Variants in TUSC2 observed in about 807,000 individuals in gnomAD.
TUSC2 encodes the protein tumor suppressor 2, mitochondrial calcium regulator.
TUSC2 carries 7 observed loss-of-function variants against 11.5 expected under a neutral mutation model. The observed-to-expected ratio is 0.61, with a 90% CI of 0.35 to 1.14. The LOEUF (loss-of-function observed/expected upper bound fraction) is 1.14, where lower values mean the gene tolerates loss of function less well. Ranked by LOEUF, TUSC2 falls within the 50% of genes most tolerant of loss-of-function variation. The pLI is 0.03. For missense variants in TUSC2, 132 were observed against 155.0 expected (o/e 0.85, Z 0.79); for synonymous variants, 61 against 64.1 (o/e 0.95, Z 0.23).
At position 50,326,065 on chromosome 3, in the gene TUSC2, G is replaced by T. The variant is rs1171437298; in HGVS notation, c.*56C>A. ...CCTCAATGGAAGCCACACCTTGATT[G>T]AGCCTGGGAGTTTCTTGCCGGGGCA... On this transcript the variant is annotated 3_prime_UTR_variant, in exon 3 of 3. Coordinates refer to ENST00000232496, the MANE Select transcript of TUSC2 (RefSeq NM_007275.3). The T allele has an allele frequency of 5.2e-5, 81 of 1,548,962 alleles. No homozygotes were observed. In the African/African-American group the frequency reaches 1.1e-3, roughly 20 times the overall value.
At chr3:50,326,998 A>T in intron 1 of TUSC2, 1 of 356,598 alleles carries the variant, frequency 2.8e-6, no homozygotes, top group South Asian at 2.1e-5. Flanking sequence ...CAGTGCTACT[A>T]TGTCAGACCC....
intron 2 of TUSC2, 54 bp downstream of exon 2, chr3:50,326,303 G>A: frequency 6.2e-7 from 1 of 1,613,084 alleles, no homozygotes; most frequent in Non-Finnish European, 8.5e-7. Flanking sequence ...ATCCCATCTG[G>A]GTCCACCTCC....
Position 50,328,036 on chromosome 3 carries a change from CGCCGCCTCCG to C in TUSC2, c.54_63del (p.Gly19AlafsTer58), listed in dbSNP as rs1702813806. On this transcript the variant is annotated frameshift_variant, in exon 1 of 3. Transcript: ENST00000232496. LOFTEE classifies it high-confidence loss of function. ...TGCTCAGCTCCTGCTGCCTCTGAGC[CGCCGCCTCCG>C]GCCGCCGAGGCGAAGGGCCACAGGC... 6.7e-7 allele frequency: 1 copy of C among 1,500,580 alleles called. No individual in the cohort carries two copies. Among genetic ancestry groups the C allele is most frequent in the East Asian group, 2.8e-5 (1 of 36,244 alleles). The allele number at this position is 1,500,580 out of a possible 1,614,324, so 93.0% of individuals were successfully genotyped here. A position where few individuals can be genotyped will look rare whatever the true frequency, so the allele number is the denominator to read the frequency against.
At position 50,324,950 on chromosome 3, in the gene TUSC2, C is replaced by T. The variant is rs1702767077; in HGVS notation, c.*1171G>A. ...CATTTTATTGAAATTGAACAAATAA[C>T]ACAACAGTCTTCCTAAGCTAGGGGC... On this transcript the variant is annotated 3_prime_UTR_variant, in exon 3 of 3. Coordinates refer to ENST00000232496, the MANE Select transcript of TUSC2 (RefSeq NM_007275.3). The T allele has an allele frequency of 6.6e-6, 1 of 152,362 alleles. No homozygotes were observed. The highest frequency in any genetic ancestry group is 2.1e-4 in the South Asian group (1 of 4,830). 9.4% of individuals were successfully genotyped at this position (152,362 alleles called of 1,614,324 possible).
Position 50,326,131 on chromosome 3 carries a change from T to C in TUSC2, c.323A>G (p.Tyr108Cys). Residue 108 changes from tyrosine (Y) to cysteine (C), a missense_variant, in exon 3 of 3, where the codon TAT (tyrosine) becomes TGT (cysteine). By Grantham distance (194) the Tyr-to-Cys change is radical. This residue lies in a region of TUSC2 where 65 missense variants were observed against 94.0 expected (regional missense o/e 0.69). Transcript: ENST00000232496. ...TGCCACCTCCCAGGGTCACACCTCA[T>C]AGAGGATCACAGGGAAATCCACGTG... ...RIHVDFPVILYEV is the reference protein window; with the variant it reads ...RIHVDFPVILCEV 6.3e-7 allele frequency: 1 copy of C among 1,590,124 alleles called. No homozygotes were observed.
intron 1 of TUSC2, among the ~76,000 whole-genome samples, chr3:50,327,651 G>A (rs1490386286): frequency 6.6e-6 from 1 of 152,178 alleles, no homozygotes; most frequent in African/African-American, 2.4e-5. Flanking sequence ...AGGCTGAGCC[G>A]GAAGGGATGA....
rs1013356687 is a variant in TUSC2, at chr3:50,328,151, A to G, written c.-52T>C. 4.5e-6 allele frequency: 6 copies of G among 1,341,712 alleles called. No homozygotes were observed. Among genetic ancestry groups the G allele is most frequent in the South Asian group, 1.8e-5 (1 of 55,334 alleles). 83.1% of individuals were successfully genotyped at this position (1,341,712 alleles called of 1,614,324 possible). A position where few individuals can be genotyped will look rare whatever the true frequency, so the allele number is the denominator to read the frequency against. Reference sequence around the variant, plus strand: ...CCCGTGGCCGCTCTGCTCACACCGCAGTCCGCACTACCATAACCTGCCCCA... The same window carrying G: ...CCCGTGGCCGCTCTGCTCACACCGCGGTCCGCACTACCATAACCTGCCCCA... On this transcript the variant is annotated 5_prime_UTR_variant, in exon 1 of 3. Transcript: ENST00000232496.
chr3:50,326,166 G>A lies in TUSC2; in HGVS notation c.288C>T (p.His96=), dbSNP rs373185737. The change falls in exon 3 of 3, where the codon CAC becomes CAT. Residue 96 remains histidine (H), a synonymous_variant. Coordinates refer to ENST00000232496, the MANE Select transcript of TUSC2 (RefSeq NM_007275.3). ...LIPQGIVKLD[H]PRIHVDFPVI... ...CAGGGAAATCCACGTGGATGCGGGG[G>A]TGATCCAGCTTCACGATGCCCTGCC... 1.2e-6 allele frequency: 2 copies of A among 1,600,384 alleles called. No individual in the cohort carries two copies. Among genetic ancestry groups the A allele is most frequent in the Non-Finnish European group, 1.7e-6 (2 of 1,173,692 alleles).
chr3:50,326,860 C>G (rs1702795537), intron 1 of TUSC2, among the ~76,000 whole-genome samples: 1 of 152,080 alleles, frequency 6.6e-6, no homozygotes, highest in Non-Finnish European at 1.5e-5. Context: ...TCAGGCAATC[C>G]ACTCGTCTTC....
intron 1 of TUSC2, 50 bp from the exon 2 acceptor site, chr3:50,326,527 C>T (rs1702791277): frequency 6.2e-7 from 1 of 1,603,918 alleles, no homozygotes; most frequent in Non-Finnish European, 8.5e-7. Context: ...CACACCTGGG[C>T]ATGGCAAATG....
At position 50,327,801 on chromosome 3, in the gene TUSC2, C is replaced by T. The variant is rs142171159; in HGVS notation, c.146+153G>A. On this transcript the variant is annotated intron_variant, in intron 1 of 2. Transcript: ENST00000232496. ...GCCAGGCCGCCAGGAGACCACTGCC[C>T]GGCTTTCTCCACCCCCAGCTCCAAT... is the stretch of plus-strand genomic sequence containing the variant. Among the ~76,000 whole-genome samples the T allele has an allele frequency of 7.7e-3, 1,171 of 152,332 alleles. 8 individuals carry two copies. Among genetic ancestry groups the T allele is most frequent in the Non-Finnish European group, 0.012 (834 of 68,020 alleles).
rs1440669450 is a variant in TUSC2, at chr3:50,326,037, GCTC to G, written c.*81_*83del. ...ATTCAGGGTTGTGGCCCCAGCCTGG[GCTC>G]CTCAATGGAAGCCACACCTTGATTG... On this transcript the variant is annotated 3_prime_UTR_variant, in exon 3 of 3. Transcript: ENST00000232496. 2.7e-6 allele frequency: 4 copies of G among 1,504,750 alleles called. No homozygotes were observed. The highest frequency in any genetic ancestry group is 3.4e-4 in the Middle Eastern group (2 of 5,926). 93.2% of individuals were successfully genotyped at this position (1,504,750 alleles called of 1,614,324 possible).
intron 1 of TUSC2, 93 bp downstream of exon 1, chr3:50,327,861 T>C (rs1421774068): frequency 7.4e-6 from 10 of 1,350,556 alleles, no homozygotes; most frequent in Non-Finnish European, 9.5e-6. Context: ...CTGGCTTGGC[T>C]GTAGTGGGGT....
At chr3:50,326,580 G>A (rs781907405) in intron 1 of TUSC2, 103 bp from the exon 2 acceptor site, 2 of 1,521,818 alleles carry the variant, frequency 1.3e-6, no homozygotes, top group Non-Finnish European at 1.8e-6. Flanking sequence ...AACCCCAAGT[G>A]GGAAGAAAAG....
chr3:50,327,936 T>C lies in TUSC2; in HGVS notation c.146+18A>G. On this transcript the variant is annotated intron_variant, in intron 1 of 2. Coordinates refer to ENST00000232496, the MANE Select transcript of TUSC2 (RefSeq NM_007275.3). ...CGCCCGCCTGTTCCCCCCGCCAGGG[T>C]GGAACCCATGCCCTTACCCGCGGCG... 1 of 1,491,790 alleles carries C rather than the reference T, an allele frequency of 6.7e-7. No homozygotes were observed. Among genetic ancestry groups the C allele is most frequent in the Non-Finnish European group, 8.9e-7 (1 of 1,122,782 alleles). 92.4% of individuals were successfully genotyped at this position (1,491,790 alleles called of 1,614,324 possible). A position where few individuals can be genotyped will look rare whatever the true frequency, so the allele number is the denominator to read the frequency against.
rs868953546 is a variant in TUSC2, at chr3:50,327,987, C to T, written c.113G>A (p.Arg38Gln). ...AEQALVRPRG[R>Q]AVPPFVFTRR... Reference sequence around the variant, plus strand: ...CGTGAATACGAAGGGGGGCACAGCTCGGCCCCGAGGCCGCACCAAAGCTTG... The same window carrying T: ...CGTGAATACGAAGGGGGGCACAGCTTGGCCCCGAGGCCGCACCAAAGCTTG... Residue 38 changes from arginine (R) to glutamine (Q), a missense_variant, in exon 1 of 3, where the codon CGA (arginine) becomes CAA (glutamine). This residue lies in a region of TUSC2 where 50 missense variants were observed against 27.9 expected (regional missense o/e 1.79). Transcript: ENST00000232496. The T allele has an allele frequency of 1.9e-6, 3 of 1,540,680 alleles. No homozygotes were observed. The highest frequency in any genetic ancestry group is 2.4e-5 in the South Asian group (2 of 82,962).
intron 1 of TUSC2, among the ~76,000 whole-genome samples, chr3:50,326,729 T>C (rs1030951379): frequency 2.0e-5 from 3 of 152,202 alleles, no homozygotes; most frequent in Admixed American, 1.3e-4. Flanking sequence ...GCAATTCTCC[T>C]GCCTCAGCCT....
At chr3:50,327,811 C>T in intron 1 of TUSC2, 143 bp downstream of exon 1, 1 of 1,245,524 alleles carries the variant, frequency 8.0e-7, no homozygotes, top group Non-Finnish European at 1.0e-6. Context: ...CGGCTTTCTC[C>T]ACCCCCAGCT....
chr3:50,326,262 C>T, intron 2 of TUSC2, 76 bp from the exon 3 acceptor site: 3 of 1,611,328 alleles, frequency 1.9e-6, no homozygotes, highest in Non-Finnish European at 2.5e-6. Context: ...CCTCCCAGAT[C>T]CCCCCGCAAA....
Sources: allele counts gnomAD v4.1 joint callset (sites outside exome capture counted in the v4.1 genomes callset), GRCh38; gene constraint gnomAD v4.1.1; regional missense constraint gnomAD v4.1.1; transcripts MANE v1.5; gene names NCBI Gene and HGNC (gene_info 2026-07-23, HGNC 2026-07-21).